Variants in NAP1L4 observed in about 807,000 individuals in gnomAD.
NAP1L4 encodes nucleosome assembly protein 1-like 4.
In NAP1L4, 15 loss-of-function variants were observed where a neutral mutation model predicts 58.2. That is an observed-to-expected ratio of 0.26 (90% CI 0.17 to 0.40). The LOEUF (loss-of-function observed/expected upper bound fraction) is 0.40, where lower values mean the gene tolerates loss of function less well. Among genes scored for constraint, NAP1L4 ranks in the 10% least tolerant of loss-of-function variants. The pLI is 1.00. For synonymous variants in NAP1L4, 171 were observed against 155.6 expected, an observed-to-expected ratio of 1.10 and a Z score of -0.74; for missense variants, 384 against 451.1, an observed-to-expected ratio of 0.85 and a Z score of 1.35.
In NAP1L4 at chr11:2,978,334, T is replaced by G. The variant is rs764883254; in HGVS notation, c.23A>C (p.Asp8Ala). The change falls in exon 3 of 16, where the codon GAT becomes GCT. Residue 8 changes from aspartate (D) to alanine (A), a missense_variant. Asp to Ala is a moderately radical substitution (Grantham distance 126). Coordinates refer to ENST00000380542, the MANE Select transcript of NAP1L4 (RefSeq NM_005969.4). ...TTCCACGGAATCTGAAGGAACCCCA[T>G]CTGAAAAACTAAAACAACAGTATGT... MADHSFSDGVPSDSVEAA... is the reference protein window; with the variant it reads MADHSFSAGVPSDSVEAA... 2.5e-6 allele frequency: 4 copies of G among 1,613,750 alleles called. No homozygotes were observed. The highest frequency in any genetic ancestry group is 2.7e-5 in the African/African-American group (2 of 74,902).
At chr11:2,991,083 C>T in intron 1 of NAP1L4, 1 of 456,540 alleles carries the variant, frequency 2.2e-6, no homozygotes, top group Non-Finnish European at 4.4e-6. Flanking sequence ...TGTGCCCCGA[C>T]GATTCCTCCG....
intron 7 of NAP1L4, among the ~76,000 whole-genome samples, chr11:2,967,181 A>G (rs1247051982): frequency 1.3e-5 from 2 of 152,228 alleles, no homozygotes; most frequent in Non-Finnish European, 2.9e-5. Context: ...CCTTGAGGCC[A>G]GGAGACTGAG....
At chr11:2,986,064 A>G (rs1848598870) in intron 1 of NAP1L4, among the ~76,000 whole-genome samples, 1 of 152,364 alleles carries the variant, frequency 6.6e-6, no homozygotes, top group African/African-American at 2.4e-5. Flanking sequence ...TCTACTCCAT[A>G]GCTAGAGTAA....
At chr11:2,975,176 T>C (rs929263690) in intron 4 of NAP1L4, among the ~76,000 whole-genome samples, 1 of 147,504 alleles carries the variant, frequency 6.8e-6, no homozygotes, top group Non-Finnish European at 1.5e-5. Flanking sequence ...AAAATTGCCA[T>C]GCATGGTGGT....
chr11:2,955,894 TC>T lies in NAP1L4; in HGVS notation c.893-129del. ...TTCTCACCTCGAGGTTTAACAGAAATCCCCAAAGCCTTGCATCTCCTCACAG... is the reference window on the plus strand; with the variant it reads ...TTCTCACCTCGAGGTTTAACAGAAATCCCAAAGCCTTGCATCTCCTCACAG... On this transcript the variant is annotated intron_variant, in intron 10 of 15. Transcript: ENST00000380542. This position sits in a 1 kb window ranked among gnomAD's most constrained non-coding sequence, Gnocchi z 4.2. 1 of 828,008 alleles carries T rather than the reference TC, an allele frequency of 1.2e-6. No homozygotes were observed. Among genetic ancestry groups the T allele is most frequent in the Non-Finnish European group, 1.9e-6 (1 of 524,542 alleles). 51.3% of individuals were successfully genotyped at this position (828,008 alleles called of 1,614,324 possible).
At chr11:2,974,699 C>G (rs981525292) in intron 4 of NAP1L4, among the ~76,000 whole-genome samples, 1 of 152,152 alleles carries the variant, frequency 6.6e-6, no homozygotes, top group African/African-American at 2.4e-5. Flanking sequence ...AGCTGGAGAT[C>G]AGCCTGGCCA....
In NAP1L4 at chr11:2,945,496, G is replaced by T; in HGVS notation, c.*183C>A. The T allele has an allele frequency of 1.1e-6, 1 of 873,030 alleles. No individual in the cohort carries two copies. Among genetic ancestry groups the T allele is most frequent in the Non-Finnish European group, 1.7e-6 (1 of 586,256 alleles). 54.1% of individuals were successfully genotyped at this position (873,030 alleles called of 1,614,324 possible). ...AAGTGAAAATCATGCACTTGAAAACGAGTTAGATGGAGTAAGCTCTGTCCA... is the reference window on the plus strand; with the variant it reads ...AAGTGAAAATCATGCACTTGAAAACTAGTTAGATGGAGTAAGCTCTGTCCA... On this transcript the variant is annotated 3_prime_UTR_variant, in exon 16 of 16. Coordinates refer to ENST00000380542, the MANE Select transcript of NAP1L4 (RefSeq NM_005969.4).
Position 2,954,262 on chromosome 11 carries a change from A to G in NAP1L4, c.1035+265T>C, listed in dbSNP as rs557192903. Reference sequence around the variant, plus strand: ...CTTAGGTTTTGAGAGAATATTGTTGAGTCACTAGGCAGGGCTCACATAGGA... The same window carrying G: ...CTTAGGTTTTGAGAGAATATTGTTGGGTCACTAGGCAGGGCTCACATAGGA... On this transcript the variant is annotated intron_variant, in intron 12 of 15. Coordinates refer to ENST00000380542, the MANE Select transcript of NAP1L4 (RefSeq NM_005969.4). The surrounding 1 kb of genome is among the most constrained non-coding windows in gnomAD (Gnocchi z 4.8). The G allele has an allele frequency of 3.7e-6, 2 of 537,854 alleles. No homozygotes were observed. Among genetic ancestry groups the G allele is most frequent in the Non-Finnish European group, 6.7e-6 (2 of 298,564 alleles). 33.3% of individuals were successfully genotyped at this position (537,854 alleles called of 1,614,324 possible).
In NAP1L4 at chr11:2,971,465, C is replaced by G; in HGVS notation, c.385G>C (p.Glu129Gln). The change falls in exon 6 of 16, where the codon GAG becomes CAG. Residue 129 changes from glutamate to glutamine, a missense_variant. By Grantham distance (29) the Glu-to-Gln change is conservative. Coordinates refer to ENST00000380542, the MANE Select transcript of NAP1L4 (RefSeq NM_005969.4). This position sits in a 1 kb window ranked among gnomAD's most constrained non-coding sequence, Gnocchi z 4.2. Reference sequence around the variant, plus strand: ...AGACTTACAGCCAATTTCTCTTCCTCTTCATTTTCACTGTGCCATTCCGAT... The same window carrying G: ...AGACTTACAGCCAATTTCTCTTCCTGTTCATTTTCACTGTGCCATTCCGAT... The part of the protein sequence containing the change: ...AESEWHSENE[E>Q]EEKLAGDMKS... 3.7e-6 allele frequency: 6 copies of G among 1,613,852 alleles called. No homozygotes were observed. Among genetic ancestry groups the G allele is most frequent in the Non-Finnish European group, 5.1e-6 (6 of 1,180,002 alleles).
chr11:2,966,978 A>AT (rs756216702), intron 7 of NAP1L4, among the ~76,000 whole-genome samples: 7 of 152,210 alleles, frequency 4.6e-5, no homozygotes, highest in Non-Finnish European at 7.3e-5. Context: ...AAGGCACAAC[A>AT]CTGGAGGCAT....
In NAP1L4 at chr11:2,970,570, AG is replaced by A. The variant is rs765949408; in HGVS notation, c.403-637del. Among the ~76,000 whole-genome samples, 6 of 152,200 alleles carry A rather than the reference AG, an allele frequency of 3.9e-5. No homozygotes were observed. The East Asian group carries it at 7.7e-4, about 20-fold the overall frequency. On this transcript the variant is annotated intron_variant, in intron 6 of 15. Coordinates refer to ENST00000380542, the MANE Select transcript of NAP1L4 (RefSeq NM_005969.4). ...CCAGAAAGGCCACATGGCAAAAGGA[AG>A]GGGAGTCAGGCCCCAGGGAAAAGGT...
rs149928031 is a variant in NAP1L4, at chr11:2,954,085, T to C, written c.1035+442A>G. 3.2e-3 allele frequency among the ~76,000 whole-genome samples: 494 copies of C among 152,310 alleles called. 6 individuals are homozygous for C. Among genetic ancestry groups the C allele is most frequent in the African/African-American group, 0.011 (471 of 41,558 alleles). On this transcript the variant is annotated intron_variant, in intron 12 of 15. Coordinates refer to ENST00000380542, the MANE Select transcript of NAP1L4 (RefSeq NM_005969.4). This position sits in a 1 kb window ranked among gnomAD's most constrained non-coding sequence, Gnocchi z 4.8. ...CTTCGGGAGCACGGGTTTCTTTTTT[T>C]TCCTTTTTACCTAATTAGATAGAAG...
At chr11:2,988,878 A>T (rs1210291086) in intron 1 of NAP1L4, among the ~76,000 whole-genome samples, 1 of 152,240 alleles carries the variant, frequency 6.6e-6, no homozygotes, top group Non-Finnish European at 1.5e-5. Context: ...TGCCTCTGTT[A>T]CTAAATGCAA....
chr11:2,975,631 C>A (rs1233837272), intron 4 of NAP1L4, among the ~76,000 whole-genome samples: 6 of 151,786 alleles, frequency 4.0e-5, no homozygotes, highest in Middle Eastern at 3.4e-3. Context: ...CATAGGCATG[C>A]GGCACTATGC....
At chr11:2,957,576 A>C (rs1169992056) in intron 10 of NAP1L4, among the ~76,000 whole-genome samples, 1 of 152,228 alleles carries the variant, frequency 6.6e-6, no homozygotes, top group African/African-American at 2.4e-5. Flanking sequence ...ATGGAAACTA[A>C]AGAGAATATG....
intron 7 of NAP1L4, among the ~76,000 whole-genome samples, chr11:2,966,910 T>G (rs1391725122): frequency 2.0e-5 from 3 of 152,176 alleles, no homozygotes; most frequent in African/African-American, 7.2e-5. Flanking sequence ...ACTTTAAATG[T>G]CCAGGGCAAA....
chr11:2,957,475 A>C (rs989260282), intron 10 of NAP1L4, among the ~76,000 whole-genome samples: 1 of 152,232 alleles, frequency 6.6e-6, no homozygotes, highest in South Asian at 2.1e-4. Context: ...TGGAGAAGAG[A>C]TCCGCCCTGT....
chr11:2,979,120 G>C (rs1035311829), intron 2 of NAP1L4, 87 bp downstream of exon 2: 1 of 1,358,948 alleles, frequency 7.4e-7, no homozygotes, highest in Non-Finnish European at 1.0e-6. Flanking sequence ...ATTTAACTTT[G>C]ATTCTAATTA....
chr11:2,964,712 T>C lies in NAP1L4; in HGVS notation c.574A>G (p.Lys192Glu), dbSNP rs746423001. The C allele has an allele frequency of 1.2e-6, 2 of 1,614,028 alleles. No individual in the cohort carries two copies. The highest frequency in any genetic ancestry group is 8.5e-7 in the Non-Finnish European group (1 of 1,179,930). Residue 192 changes from lysine (K) to glutamate (E), a missense_variant, in exon 8 of 16, where the codon AAA (lysine) becomes GAA (glutamate). Physicochemically the swap from Lys to Glu is moderately conservative, Grantham distance 56 (BLOSUM62 1). Around this residue, in one of 3 missense-constraint regions of NAP1L4, gnomAD observed 296 missense variants for 360.8 expected, o/e 0.82. Coordinates refer to ENST00000380542, the MANE Select transcript of NAP1L4 (RefSeq NM_005969.4). The stretch of plus-strand genomic sequence containing the variant: ...TGTCCAGGGTCAGAAAATTTCACTT[T>C]AATATCCTGCAGGTGTTTCAAGATT... The part of the protein sequence containing the change: ...EPILKHLQDI[K>E]VKFSDPGQPM...
Sources: gnomAD v4.1 joint callset for allele counts (sites outside exome capture counted in the v4.1 genomes callset) on GRCh38, gnomAD v4.1.1 for gene constraint, gnomAD v4.1.1 regional missense constraint, Gnocchi (gnomAD v3.1) non-coding constraint, MANE v1.5 for transcripts, NCBI Gene and HGNC (gene_info 2026-07-23, HGNC 2026-07-21) for gene names.